Variants in CCDC175 observed in about 807,000 individuals in gnomAD.
CCDC175 encodes coiled-coil domain containing 175, also known as coiled-coil domain-containing protein 175.
CCDC175 carries 100 observed loss-of-function variants against 114.6 expected under a neutral mutation model. The observed-to-expected ratio is 0.87, with a 90% CI of 0.74 to 1.03. The LOEUF is 1.03. Among genes scored for constraint, CCDC175 ranks in the 50% least tolerant of loss-of-function variants. The pLI is 0.00. For synonymous variants in CCDC175, 306 were observed against 308.7 expected (o/e 0.99, Z 0.09); for missense variants, 880 against 917.8 (o/e 0.96, Z 0.53).
Position 59,511,772 on chromosome 14 carries a change from C to A in CCDC175, c.2130G>T (p.Gln710His). The A allele has an allele frequency of 6.5e-7, 1 of 1,536,304 alleles. No individual in the cohort carries two copies. Among genetic ancestry groups the A allele is most frequent in the Non-Finnish European group, 8.7e-7 (1 of 1,146,258 alleles). ...ACGCAAAACTCACCTTAACTGTGGT[C>A]TGAAATTCAGCCCACAAATCCTTAT... ...AQYKDLWAEF[Q>H]TTVKILVDNG... The change falls in exon 18 of 20, where the codon CAG becomes CAT. Residue 710 changes from glutamine (Q) to histidine (H), a missense_variant. Coordinates refer to ENST00000537690, the MANE Select transcript of CCDC175 (RefSeq NM_001164399.2).
At chr14:59,569,453 A>G (rs1595081436) in intron 3 of CCDC175, among the ~76,000 whole-genome samples, 1 of 152,356 alleles carries the variant, frequency 6.6e-6, no homozygotes, top group Non-Finnish European at 1.5e-5. Flanking sequence ...GACTTACGAC[A>G]TAAGGCCAAC....
intron 13 of CCDC175, among the ~76,000 whole-genome samples, chr14:59,532,346 A>C (rs1432201682): frequency 2.0e-5 from 3 of 152,248 alleles, no homozygotes; most frequent in African/African-American, 7.2e-5. Flanking sequence ...AAAATAAATG[A>C]GTAAAAAGTG....
At chr14:59,521,807 T>C (rs1309493136) in intron 16 of CCDC175, 131 bp from the exon 17 acceptor site, 1 of 566,958 alleles carries the variant, frequency 1.8e-6, no homozygotes, top group Non-Finnish European at 3.1e-6. Flanking sequence ...GGGGTAACAG[T>C]GGGGAATAAA....
At chr14:59,545,400 T>C (rs1055068047) in intron 8 of CCDC175, 101 bp from the exon 9 acceptor site, 5 of 967,028 alleles carry the variant, frequency 5.2e-6, no homozygotes, top group Non-Finnish European at 7.5e-6. Flanking sequence ...GGATATTGCT[T>C]AGCCCACCGT....
At chr14:59,520,207 C>A (rs1430021202) in intron 17 of CCDC175, among the ~76,000 whole-genome samples, 1 of 152,180 alleles carries the variant, frequency 6.6e-6, no homozygotes, top group Non-Finnish European at 1.5e-5. Flanking sequence ...GTATACTCAA[C>A]AACATTACTC....
At chr14:59,539,574 CT>C (rs1894634862) in intron 11 of CCDC175, among the ~76,000 whole-genome samples, 1 of 48,810 alleles carries the variant, frequency 2.0e-5, no homozygotes, top group Admixed American at 2.5e-4. Flanking sequence ...GAGTGAAACT[CT>C]GTCTCAAAAA....
intron 13 of CCDC175, among the ~76,000 whole-genome samples, chr14:59,533,083 G>A (rs1319321881): frequency 6.6e-6 from 1 of 152,188 alleles, no homozygotes; most frequent in Non-Finnish European, 1.5e-5. Flanking sequence ...TTTCCTTCAA[G>A]CCCACCAAAG....
intron 7 of CCDC175, among the ~76,000 whole-genome samples, chr14:59,560,093 T>A (rs1192064929): frequency 6.6e-6 from 1 of 152,082 alleles, no homozygotes; most frequent in East Asian, 1.9e-4. Flanking sequence ...TGAGTTTTAG[T>A]TGTGGTATTA....
intron 19 of CCDC175, among the ~76,000 whole-genome samples, chr14:59,505,865 C>T (rs1892339799): frequency 6.6e-6 from 1 of 152,128 alleles, no homozygotes; most frequent in Non-Finnish European, 1.5e-5. Flanking sequence ...GGTTGAATAT[C>T]TCATATTCAA....
At position 59,576,684 on chromosome 14, in the gene CCDC175, C is replaced by T; in HGVS notation, c.92G>A (p.Cys31Tyr). 6.7e-7 allele frequency: 1 copy of T among 1,487,832 alleles called. No individual in the cohort carries two copies. The highest frequency in any genetic ancestry group is 2.3e-5 in the Admixed American group (1 of 42,798). The allele number at this position is 1,487,832 out of a possible 1,614,324, so 92.2% of individuals were successfully genotyped here. The change falls in exon 1 of 20, where the codon TGC (cysteine) becomes TAC (tyrosine). Residue 31 changes from cysteine to tyrosine, a missense_variant. By Grantham distance (194) the Cys-to-Tyr change is radical. Coordinates refer to ENST00000537690, the MANE Select transcript of CCDC175 (RefSeq NM_001164399.2). ...AVSTGPSLEL[C>Y]TLPSTLGSSV... is the part of the protein sequence containing the mutation. Reference sequence around the variant, plus strand: ...GGAGCCCAGGGTGGAGGGTAAGGTGCATAACTCCAGGGAGGGGCCAGTGGA... The same window carrying T: ...GGAGCCCAGGGTGGAGGGTAAGGTGTATAACTCCAGGGAGGGGCCAGTGGA...
Position 59,540,757 on chromosome 14 carries a change from A to G in CCDC175, c.1284-11T>C, listed in dbSNP as rs753029931. 25 of 1,530,228 alleles carry G rather than the reference A, an allele frequency of 1.6e-5. No homozygotes were observed. Among genetic ancestry groups the G allele is most frequent in the South Asian group, 9.7e-5 (8 of 82,552 alleles). 94.8% of individuals were successfully genotyped at this position (1,530,228 alleles called of 1,614,324 possible). ...ACTGTTTTTGTTGCTCTAAAAAGAA[A>G]AACATATTGGATTTTGCATTTATGG... On this transcript the variant is annotated splice_polypyrimidine_tract_variant and intron_variant, in intron 10 of 19. Coordinates refer to ENST00000537690, the MANE Select transcript of CCDC175 (RefSeq NM_001164399.2).
At chr14:59,554,097 G>A (rs576454219) in intron 7 of CCDC175, among the ~76,000 whole-genome samples, 1 of 152,166 alleles carries the variant, frequency 6.6e-6, no homozygotes, top group Non-Finnish European at 1.5e-5. Flanking sequence ...ATTGAACTCA[G>A]CTCTGCACCA....
At chr14:59,544,334 T>G (rs1163822948) in intron 9 of CCDC175, among the ~76,000 whole-genome samples, 1 of 152,030 alleles carries the variant, frequency 6.6e-6, no homozygotes, top group African/African-American at 2.4e-5. Flanking sequence ...GCCCAGCTAA[T>G]TTTTTGTATT....
At chr14:59,568,071 C>T (rs1264817224) in intron 4 of CCDC175, among the ~76,000 whole-genome samples, 174 bp downstream of exon 4, 1 of 152,148 alleles carries the variant, frequency 6.6e-6, no homozygotes, top group Non-Finnish European at 1.5e-5. Flanking sequence ...CTCCTCAGTC[C>T]TCTGTAGCCA....
intron 17 of CCDC175, among the ~76,000 whole-genome samples, chr14:59,517,314 G>A (rs1479305798): frequency 6.6e-6 from 1 of 152,128 alleles, no homozygotes; most frequent in African/African-American, 2.4e-5. Flanking sequence ...TGGAAGTTCT[G>A]GCCAGGGCAA....
intron 15 of CCDC175, 79 bp downstream of exon 15, chr14:59,527,016 T>C (rs1484025558): frequency 5.5e-6 from 4 of 727,528 alleles, no homozygotes; most frequent in East Asian, 3.1e-5. Context: ...AAAACTTCAA[T>C]GCCAGGTAAA....
chr14:59,563,257 G>C (rs780407742), intron 6 of CCDC175, among the ~76,000 whole-genome samples: 2 of 151,934 alleles, frequency 1.3e-5, no homozygotes, highest in Non-Finnish European at 2.9e-5. Flanking sequence ...CAATTTTTTT[G>C]ACAGAAGTAC....
intron 14 of CCDC175, among the ~76,000 whole-genome samples, chr14:59,529,892 T>C (rs1324353592): frequency 1.3e-5 from 2 of 152,226 alleles, no homozygotes; most frequent in Non-Finnish European, 2.9e-5. Context: ...CCCACTCTTA[T>C]GTTCCTTTTA....
intron 4 of CCDC175, among the ~76,000 whole-genome samples, chr14:59,566,064 T>A (rs1200565176): frequency 6.6e-6 from 1 of 152,212 alleles, no homozygotes; most frequent in Non-Finnish European, 1.5e-5. Flanking sequence ...CACCTTCCTC[T>A]GGATAGAAAC....
Sources: gnomAD v4.1 joint callset for allele counts (sites outside exome capture counted in the v4.1 genomes callset) on GRCh38, gnomAD v4.1.1 for gene constraint, MANE v1.5 for transcripts, NCBI Gene and HGNC (gene_info 2026-07-23, HGNC 2026-07-21) for gene names.